DNAH9: variants seen among roughly 807,000 people sequenced by gnomAD.
DNAH9 encodes dynein axonemal heavy chain 9.
Under a neutral mutation model 471.6 loss-of-function variants are expected in DNAH9, and 345 were observed. That is an observed-to-expected ratio of 0.73 (90% CI 0.67 to 0.80). The LOEUF (loss-of-function observed/expected upper bound fraction) is 0.80. Among genes scored for constraint, DNAH9 ranks in the 30% least tolerant of loss-of-function variants. The pLI is 0.00. For missense variants in DNAH9, 5,407 were observed against 5,609.2 expected (o/e 0.96, Z 1.15); for synonymous variants, 2,093 against 2,123.6 (o/e 0.99, Z 0.40).
chr17:11,642,099 T>C (rs1333760131), intron 10 of DNAH9, among the ~76,000 whole-genome samples: 1 of 151,984 alleles, frequency 6.6e-6, no homozygotes, highest in African/African-American at 2.4e-5. Context: ...CACTCCTGGC[T>C]GGAGGGGACA....
intron 17 of DNAH9, among the ~76,000 whole-genome samples, chr17:11,678,389 A>T (rs1266375310): frequency 3.3e-5 from 5 of 152,238 alleles, no homozygotes; most frequent in Non-Finnish European, 7.3e-5. Flanking sequence ...TCCCATTAGA[A>T]GTTCCTTTAG....
intron 36 of DNAH9, among the ~76,000 whole-genome samples, chr17:11,765,516 T>G (rs185266202): frequency 1.3e-5 from 2 of 152,352 alleles, no homozygotes; most frequent in Admixed American, 6.5e-5. Flanking sequence ...CTCCCTGATG[T>G]GTTCTTTGGT....
chr17:11,930,765 C>CAAAAAAAAAAAAAAAAAAAAAA lies in DNAH9; in HGVS notation c.12105+689_12105+690insAAAAAAAAAAAAAAAAAAAAAA, dbSNP rs11371438. Among the ~76,000 whole-genome samples, 192 of 125,092 alleles carry CAAAAAAAAAAAAAAAAAAAAAA rather than the reference C, an allele frequency of 1.5e-3. 3 individuals are homozygous for CAAAAAAAAAAAAAAAAAAAAAA. Among genetic ancestry groups the CAAAAAAAAAAAAAAAAAAAAAA allele is most frequent in the African/African-American group, 5.8e-3 (183 of 31,640 alleles). The allele number at this position is 125,092 out of a possible 152,430, so 82.1% of individuals were successfully genotyped here. Reference sequence around the variant, plus strand: ...GGGCGACAGAGTGAGACTCCATCTCCAAAAAAAAAAAAAAAAATTGCAGAT... The same window carrying CAAAAAAAAAAAAAAAAAAAAAA: ...GGGCGACAGAGTGAGACTCCATCTCCAAAAAAAAAAAAAAAAAAAAAAAAAAAAAAAAAAAAAAATTGCAGAT... On this transcript the variant is annotated intron_variant, in intron 63 of 68. Coordinates refer to ENST00000262442, the MANE Select transcript of DNAH9 (RefSeq NM_001372.4).
At position 11,799,899 on chromosome 17, in the gene DNAH9, A is replaced by C. The variant is rs903159955; in HGVS notation, c.8420+2106A>C. On this transcript the variant is annotated intron_variant, in intron 43 of 68. Transcript: ENST00000262442. ...TGCGCCCAGCCCCCACTATCTTCTT[A>C]CTCTACCCGTGCCCCTAAGCAGCTA... 5.3e-5 allele frequency among the ~76,000 whole-genome samples: 8 copies of C among 152,104 alleles called. No individual in the cohort carries two copies. The East Asian group carries it at 9.7e-4, about 18-fold the overall frequency.
chr17:11,876,556 A>G (rs1299456672), intron 53 of DNAH9, among the ~76,000 whole-genome samples: 1 of 152,216 alleles, frequency 6.6e-6, no homozygotes, highest in East Asian at 1.9e-4. Flanking sequence ...GCTGGTGACA[A>G]AAAGACAAAT....
chr17:11,963,434 C>CA (rs199930347), intron 68 of DNAH9, among the ~76,000 whole-genome samples: 318 of 123,106 alleles, frequency 2.6e-3, no homozygotes, highest in Non-Finnish European at 3.3e-3. Context: ...AACTCCGTCT[C>CA]AAAAAAAAAA....
intron 19 of DNAH9, among the ~76,000 whole-genome samples, chr17:11,684,391 C>T (rs571077871): frequency 4.6e-5 from 7 of 152,218 alleles, no homozygotes; most frequent in African/African-American, 9.6e-5. Flanking sequence ...CACCATATTT[C>T]GGTGAGAGCC....
rs1193246497 is a variant in DNAH9 at position 11,762,770 on chromosome 17, G to GTTTGTTTGTTT, written c.6996-667_6996-666insGTTTGTTTTTT. 2.8e-4 allele frequency among the ~76,000 whole-genome samples: 25 copies of GTTTGTTTGTTT among 90,790 alleles called. 1 individual carries two copies. Among genetic ancestry groups the GTTTGTTTGTTT allele is most frequent in the East Asian group, 6.6e-4 (2 of 3,028 alleles). The allele number at this position is 90,790 out of a possible 152,430, so 59.6% of individuals were successfully genotyped here. ...CCTCTTTAGGTGCGTTTTTTTTTTT[G>GTTTGTTTGTTT]TTTTTTTTTTTTTTTTTTTTTTTTT... is the stretch of plus-strand genomic sequence containing the variant. On this transcript the variant is annotated intron_variant, in intron 35 of 68. Coordinates refer to ENST00000262442, the MANE Select transcript of DNAH9 (RefSeq NM_001372.4).
chr17:11,749,071 TTTGTTTTTTTTTTTG>T (rs1443725416), intron 32 of DNAH9, among the ~76,000 whole-genome samples: 7,004 of 37,286 alleles, frequency 0.19, 720 homozygotes, highest in East Asian at 0.37. Flanking sequence ...AGGGTTTTTT[TTTGTTTTTTTTTTTG>T]TTTTTTTTTT....
intron 1 of DNAH9, among the ~76,000 whole-genome samples, chr17:11,602,239 T>G (rs1334776328): frequency 1.3e-5 from 2 of 152,186 alleles, no homozygotes; most frequent in Non-Finnish European, 2.9e-5. Context: ...GGTCCAAAAC[T>G]GTCTTGCAGG....
chr17:11,826,455 G>GTTTT (rs36037678), intron 48 of DNAH9, among the ~76,000 whole-genome samples: 23 of 78,970 alleles, frequency 2.9e-4, no homozygotes, highest in East Asian at 1.2e-3. Flanking sequence ...CTTTTTCTTG[G>GTTTT]TTTTTTTTTT....
intron 12 of DNAH9, among the ~76,000 whole-genome samples, chr17:11,647,833 T>C (rs1193145916): frequency 6.6e-6 from 1 of 152,182 alleles, no homozygotes; most frequent in Admixed American, 6.5e-5. Context: ...CAACTGGTGG[T>C]GATTTTGTCC....
At chr17:11,878,543 T>A (rs1172638104) in intron 53 of DNAH9, among the ~76,000 whole-genome samples, 4 of 151,274 alleles carry the variant, frequency 2.6e-5, no homozygotes, top group Non-Finnish European at 4.4e-5. Flanking sequence ...AGTTTTTAGT[T>A]TTTTTGTTTG....
At chr17:11,605,944 A>G (rs370745844) in intron 1 of DNAH9, among the ~76,000 whole-genome samples, 7 of 152,180 alleles carry the variant, frequency 4.6e-5, no homozygotes, top group South Asian at 4.1e-4. Context: ...AGTGCTTTCT[A>G]TATGCCAGAT....
intron 6 of DNAH9, 49 bp from the exon 7 acceptor site, chr17:11,629,368 G>A (rs748402605): frequency 3.2e-5 from 50 of 1,547,404 alleles, no homozygotes; most frequent in African/African-American, 5.5e-5. Flanking sequence ...TTGTCCTTGC[G>A]ATAGTTTGCT....
intron 50 of DNAH9, among the ~76,000 whole-genome samples, chr17:11,864,806 TG>T (rs1971984177): frequency 6.6e-6 from 1 of 151,360 alleles, no homozygotes; most frequent in Non-Finnish European, 1.5e-5. Flanking sequence ...TGATCTTTGT[TG>T]GTTTAAAGTC....
chr17:11,883,793 G>A, intron 56 of DNAH9, 43 bp downstream of exon 56: 1 of 1,584,048 alleles, frequency 6.3e-7, no homozygotes, highest in Non-Finnish European at 8.6e-7. Flanking sequence ...CCTAGGCTGG[G>A]GTCCTCCTAC....
intron 22 of DNAH9, among the ~76,000 whole-genome samples, chr17:11,698,174 AT>A (rs1567728484): frequency 4.2e-4 from 2 of 4,802 alleles, no homozygotes; most frequent in African/African-American, 5.9e-4. Flanking sequence ...TATTATATTA[AT>A]ATATTATTAT....
chr17:11,908,341 A>G (rs1198574705), intron 61 of DNAH9, among the ~76,000 whole-genome samples: 2 of 152,246 alleles, frequency 1.3e-5, no homozygotes, highest in Admixed American at 6.5e-5. Context: ...GCACATATCA[A>G]TGAGACACAT....
Sources: allele counts gnomAD v4.1 joint callset (sites outside exome capture counted in the v4.1 genomes callset), GRCh38; gene constraint gnomAD v4.1.1; transcripts MANE v1.5; gene names NCBI Gene and HGNC (gene_info 2026-07-23, HGNC 2026-07-21).